The following CIRSR variants were observed in gnomAD, a reference collection of about 807,000 sequenced individuals.
The protein encoded by CIRSR is corepressor of RBPJ and splicing regulator.
At chr2:174,377,711 G>T in the CIRSR span, among the ~76,000 whole-genome samples, 1 of 150,666 alleles carries the variant, frequency 6.6e-6, no homozygotes, top group East Asian at 2.0e-4. Flanking sequence ...GTCTCAGCTA[G>T]CTACTCGGGG....
chr2:174,395,710 A>T, the CIRSR span: 1 of 1,611,854 alleles, frequency 6.2e-7, no homozygotes, highest in South Asian at 1.1e-5. Flanking sequence ...CGTTTCCAGC[A>T]GCAAGGGGGA....
the CIRSR span, chr2:174,381,708 T>C: frequency 2.5e-6 from 4 of 1,584,382 alleles, no homozygotes; most frequent in Non-Finnish European, 2.6e-6. Flanking sequence ...AAGTACCTTT[T>C]TTAGCTCCTG....
At chr2:174,389,928 G>C in the CIRSR span, among the ~76,000 whole-genome samples, 1 of 152,238 alleles carries the variant, frequency 6.6e-6, no homozygotes, top group Non-Finnish European at 1.5e-5. Flanking sequence ...CCTCTGCCTA[G>C]ATTTCAGAAG....
At chr2:174,381,472 G>A in the CIRSR span, among the ~76,000 whole-genome samples, 2 of 151,996 alleles carry the variant, frequency 1.3e-5, no homozygotes, top group African/African-American at 4.8e-5. Context: ...GGCCAACATG[G>A]TGAAACTCTG....
At chr2:174,353,039 T>C in the CIRSR span, among the ~76,000 whole-genome samples, 1 of 152,194 alleles carries the variant, frequency 6.6e-6, no homozygotes, top group African/African-American at 2.4e-5. Flanking sequence ...GGTTAAAAAT[T>C]TGGTGAGAAA....
the CIRSR span, chr2:174,349,283 A>G: frequency 5.6e-6 from 4 of 711,986 alleles, no homozygotes; most frequent in African/African-American, 7.3e-5. Context: ...AATAGTATCC[A>G]TGGCAGAGCG....
the CIRSR span, among the ~76,000 whole-genome samples, chr2:174,388,685 T>C: frequency 2.6e-5 from 4 of 152,172 alleles, no homozygotes; most frequent in Admixed American, 6.5e-5. Flanking sequence ...GTAACATATT[T>C]TACGCAAACA....
At chr2:174,387,034 C>A in the CIRSR span, among the ~76,000 whole-genome samples, 1 of 152,106 alleles carries the variant, frequency 6.6e-6, no homozygotes, top group Non-Finnish European at 1.5e-5. Flanking sequence ...AGCTACTTAA[C>A]TTTTATTTCT....
chr2:174,352,114 T>C, the CIRSR span, among the ~76,000 whole-genome samples: 3 of 152,200 alleles, frequency 2.0e-5, no homozygotes, highest in African/African-American at 4.8e-5. Flanking sequence ...TAAAGGTACA[T>C]GAGGAATTTA....
the CIRSR span, among the ~76,000 whole-genome samples, chr2:174,378,197 C>CA: frequency 1.3e-5 from 2 of 151,936 alleles, no homozygotes; most frequent in African/African-American, 4.8e-5. Context: ...TTTAAAAATG[C>CA]AAAAAATCTC....
the CIRSR span, among the ~76,000 whole-genome samples, chr2:174,353,226 CTTAT>C: frequency 6.6e-6 from 1 of 151,990 alleles, no homozygotes; most frequent in Non-Finnish European, 1.5e-5. Flanking sequence ...GAAAAAAAGC[CTTAT>C]TTAGTTAAAA....
chr2:174,348,906 T>C, the CIRSR span: 1 of 1,614,202 alleles, frequency 6.2e-7, no homozygotes, highest in South Asian at 1.1e-5. Flanking sequence ...AAGCTTTCTC[T>C]TCTTAGACTT....
chr2:174,379,750 G>A, the CIRSR span, among the ~76,000 whole-genome samples: 11 of 113,098 alleles, frequency 9.7e-5, no homozygotes, highest in Admixed American at 5.1e-4. Context: ...TTGAGATGGA[G>A]TCTCGCTCTA....
the CIRSR span, chr2:174,348,354 A>G: frequency 2.3e-6 from 3 of 1,321,136 alleles, no homozygotes; most frequent in Admixed American, 9.1e-5. Context: ...GACAGTCTAG[A>G]GATGAAAAAT....
the CIRSR span, chr2:174,381,803 G>A: frequency 1.5e-4 from 224 of 1,481,360 alleles, no homozygotes; most frequent in South Asian, 1.7e-4. Context: ...CAAAGTTAAC[G>A]ATTTTATGTA....
chr2:174,370,499 C>T, the CIRSR span, among the ~76,000 whole-genome samples: 2 of 152,220 alleles, frequency 1.3e-5, no homozygotes, highest in African/African-American at 4.8e-5. Context: ...GACAATCTTA[C>T]TAACATTAAT....
chr2:174,372,245 T>G, the CIRSR span, among the ~76,000 whole-genome samples: 1 of 152,206 alleles, frequency 6.6e-6, no homozygotes, highest in South Asian at 2.1e-4. Context: ...TTTAAAAAAC[T>G]TATAAATGTA....
the CIRSR span, among the ~76,000 whole-genome samples, chr2:174,354,679 TTATA>T: frequency 1.0e-5 from 1 of 98,536 alleles, no homozygotes; most frequent in Non-Finnish European, 1.9e-5. Flanking sequence ...ATTATATATT[TTATA>T]TATTATATAA....
At chr2:174,362,108 G>A in the CIRSR span, among the ~76,000 whole-genome samples, 1,013 of 152,026 alleles carry the variant, frequency 6.7e-3, 19 homozygotes, top group East Asian at 0.018. Context: ...GACTAGCCTG[G>A]GCAACATAGT....
Sources: allele counts gnomAD v4.1 joint callset (sites outside exome capture counted in the v4.1 genomes callset), GRCh38; gene constraint gnomAD v4.1.1; transcripts MANE v1.5; gene names NCBI Gene and HGNC (gene_info 2026-07-23, HGNC 2026-07-21).